DGKD: variants seen among roughly 807,000 people sequenced by gnomAD.
The protein encoded by DGKD is diacylglycerol kinase delta, also known as DAG kinase delta.
In DGKD, 68 loss-of-function variants were observed where a neutral mutation model predicts 154.4. That is an observed-to-expected ratio of 0.44 (90% CI 0.36 to 0.54). DGKD has a LOEUF of 0.54. Among genes scored for constraint, DGKD ranks in the 20% least tolerant of loss-of-function variants. The pLI is 0.00. For missense variants in DGKD, 1,343 were observed against 1,593.6 expected, an observed-to-expected ratio of 0.84 and a Z score of 2.68; for synonymous variants, 693 against 638.0, an observed-to-expected ratio of 1.09 and a Z score of -1.30.
chr2:233,413,479 T>C (rs1300257261), intron 3 of DGKD, among the ~76,000 whole-genome samples: 1 of 152,094 alleles, frequency 6.6e-6, no homozygotes, highest in African/African-American at 2.4e-5. Context: ...TTCCCTCTGA[T>C]TTATGTCTGT....
chr2:233,378,275 G>T (rs1702693751), intron 1 of DGKD, among the ~76,000 whole-genome samples: 1 of 152,082 alleles, frequency 6.6e-6, no homozygotes, highest in African/African-American at 2.4e-5. Flanking sequence ...AGCTGGATGT[G>T]GTGGCGGGCG....
intron 1 of DGKD, among the ~76,000 whole-genome samples, chr2:233,365,718 C>T (rs1701992618): frequency 6.6e-6 from 1 of 152,166 alleles, no homozygotes; most frequent in South Asian, 2.1e-4. Context: ...GTTCTGACAA[C>T]AGAATTAAGC....
At chr2:233,454,561 G>T in intron 18 of DGKD, 1 of 556,694 alleles carries the variant, frequency 1.8e-6, no homozygotes, top group Non-Finnish European at 3.3e-6. Flanking sequence ...ATGGTTAAAT[G>T]ACTCTGAATA....
At chr2:233,385,664 G>A (rs1043839487) in intron 1 of DGKD, among the ~76,000 whole-genome samples, 1 of 152,176 alleles carries the variant, frequency 6.6e-6, no homozygotes, top group African/African-American at 2.4e-5. Context: ...AGCATTTCCT[G>A]TGGGTGCCTT....
At chr2:233,359,923 G>A (rs1349606687) in intron 1 of DGKD, among the ~76,000 whole-genome samples, 1 of 152,206 alleles carries the variant, frequency 6.6e-6, no homozygotes, top group Non-Finnish European at 1.5e-5. Context: ...AGGTGAATTT[G>A]ACCTGATATC....
At position 233,450,006 on chromosome 2, in the gene DGKD, C is replaced by A; in HGVS notation, c.1913C>A (p.Thr638Asn). The A allele has an allele frequency of 6.2e-7, 1 of 1,610,302 alleles. No homozygotes were observed. Residue 638 changes from threonine to asparagine, a missense_variant, in exon 16 of 30, where the codon ACC becomes AAC. Coordinates refer to ENST00000264057, the MANE Select transcript of DGKD (RefSeq NM_152879.3). ...GCTGTCGATGAGCAGAATGCCCAGA[C>A]CCAGGAGCAGGAGGGCTTCGTCCTG... ...EKAVDEQNAQ[T>N]QEQEGFVLGL... is the part of the protein sequence containing the mutation.
At chr2:233,390,024 C>T (rs1703487275) in intron 2 of DGKD, among the ~76,000 whole-genome samples, 1 of 152,212 alleles carries the variant, frequency 6.6e-6, no homozygotes, top group South Asian at 2.1e-4. Context: ...CCCGGCCTTC[C>T]CTCAGCTAAA....
rs1458185828 is a variant in DGKD at position 233,471,398 on chromosome 2, G to T, written c.*1938G>T. On this transcript the variant is annotated 3_prime_UTR_variant, in exon 30 of 30. Transcript: ENST00000264057. ...GCCACGGCAGTCGCTTGGTTTCCCA[G>T]GTGGAATGGGCTAACACAGGAGATG... 5.9e-5 allele frequency: 9 copies of T among 152,436 alleles called. No individual in the cohort carries two copies. The highest frequency in any genetic ancestry group is 4.4e-5 in the Non-Finnish European group (3 of 68,098). 9.4% of individuals were successfully genotyped at this position (152,436 alleles called of 1,614,324 possible).
At chr2:233,431,673 TC>T (rs904913291) in intron 3 of DGKD, among the ~76,000 whole-genome samples, 17 of 152,188 alleles carry the variant, frequency 1.1e-4, no homozygotes, top group African/African-American at 3.6e-4. Flanking sequence ...AATTCATACA[TC>T]CACAGTGAAC....
intron 3 of DGKD, among the ~76,000 whole-genome samples, chr2:233,431,579 A>G (rs990114938): frequency 6.6e-6 from 1 of 152,244 alleles, no homozygotes. Context: ...ACATTATACT[A>G]CAGAGCTATA....
At chr2:233,410,167 A>G (rs1179954270) in intron 3 of DGKD, among the ~76,000 whole-genome samples, 5 of 152,052 alleles carry the variant, frequency 3.3e-5, no homozygotes, top group African/African-American at 1.2e-4. Context: ...GCAAAGCTAT[A>G]GAGGGTGGGT....
At chr2:233,443,003 C>G (rs775543085) in intron 10 of DGKD, among the ~76,000 whole-genome samples, 1 of 152,164 alleles carries the variant, frequency 6.6e-6, no homozygotes, top group Admixed American at 6.5e-5. Context: ...TGGACACACC[C>G]GGGAGCCCAG....
chr2:233,394,104 G>A lies in DGKD; in HGVS notation c.348+3621G>A, dbSNP rs372147408. On this transcript the variant is annotated intron_variant, in intron 3 of 29. Transcript: ENST00000264057. Reference sequence around the variant, plus strand: ...TTAGAATCTCTTTCAGGCCAGTTACGTTTAACACTTTGTTCATGTATTTCT... The same window carrying A: ...TTAGAATCTCTTTCAGGCCAGTTACATTTAACACTTTGTTCATGTATTTCT... Among the ~76,000 whole-genome samples, 22 of 152,220 alleles carry A rather than the reference G, an allele frequency of 1.4e-4. No homozygotes were observed. The East Asian group carries it at 3.5e-3, about 24-fold the overall frequency.
At chr2:233,426,592 A>C (rs890204045) in intron 3 of DGKD, among the ~76,000 whole-genome samples, 2 of 152,112 alleles carry the variant, frequency 1.3e-5, no homozygotes, top group Admixed American at 1.3e-4. Context: ...TGTCAGGCTT[A>C]TTTCTTTCGC....
At chr2:233,375,149 G>T (rs1175069775) in intron 1 of DGKD, among the ~76,000 whole-genome samples, 1 of 152,140 alleles carries the variant, frequency 6.6e-6, no homozygotes, top group East Asian at 1.9e-4. Context: ...AAATTGGCCA[G>T]GCGTGATGGC....
intron 3 of DGKD, among the ~76,000 whole-genome samples, chr2:233,413,508 CTT>C (rs1473926455): frequency 6.6e-6 from 1 of 152,020 alleles, no homozygotes; most frequent in Admixed American, 6.6e-5. Flanking sequence ...GAAGTAGAAA[CTT>C]TATGAGAGAA....
intron 3 of DGKD, among the ~76,000 whole-genome samples, chr2:233,432,534 C>A (rs537499677): frequency 9.8e-4 from 149 of 152,288 alleles, no homozygotes; most frequent in Non-Finnish European, 1.8e-3. Context: ...TGGCGGGCGC[C>A]TGTAGTCCCA....
rs2063560385 is a variant in DGKD, at chr2:233,459,637, G to A, written c.2695-120G>A. Reference sequence around the variant, plus strand: ...GAGCGCCATCCCAGAGGCAGAGGTGGGGTGTCCTGCAAGGCAGGGACGGGT... The same window carrying A: ...GAGCGCCATCCCAGAGGCAGAGGTGAGGTGTCCTGCAAGGCAGGGACGGGT... On this transcript the variant is annotated intron_variant, in intron 22 of 29. Transcript: ENST00000264057. This position sits in a 1 kb window ranked among gnomAD's most constrained non-coding sequence, Gnocchi z 5.7. 3.7e-6 allele frequency: 5 copies of A among 1,335,504 alleles called. No individual in the cohort carries two copies. The highest frequency in any genetic ancestry group is 5.1e-6 in the Non-Finnish European group (5 of 982,292). The allele number at this position is 1,335,504 out of a possible 1,614,324, so 82.7% of individuals were successfully genotyped here.
chr2:233,381,382 C>T (rs533678350), intron 1 of DGKD, among the ~76,000 whole-genome samples: 1 of 152,296 alleles, frequency 6.6e-6, no homozygotes, highest in East Asian at 1.9e-4. Context: ...GATTTAAATC[C>T]GTTATCAGCA....
Sources: allele counts gnomAD v4.1 joint callset (sites outside exome capture counted in the v4.1 genomes callset), GRCh38; gene constraint gnomAD v4.1.1; non-coding constraint Gnocchi (gnomAD v3.1); transcripts MANE v1.5; gene names NCBI Gene and HGNC (gene_info 2026-07-23, HGNC 2026-07-21).